The following RAB38 variants were observed in gnomAD, a reference collection of about 807,000 sequenced individuals.
The protein encoded by RAB38 is RAB38, member RAS oncogene family.
A neutral mutation model predicts 18.4 loss-of-function variants in RAB38; 15 were observed. The observed-to-expected ratio is 0.82, with a 90% CI of 0.55 to 1.26. RAB38 has a LOEUF of 1.26. RAB38 is among the 50% of genes most tolerant of loss of function. The pLI, the probability that RAB38 is intolerant of heterozygous loss-of-function variation, is 0.00. For synonymous variants in RAB38, 101 were observed against 104.4 expected, an observed-to-expected ratio of 0.97 and a Z score of 0.20; for missense variants, 294 against 267.4, an observed-to-expected ratio of 1.10 and a Z score of -0.69.
chr11:88,080,872 AGG>A, the RAB38 span, among the ~76,000 whole-genome samples: 1 of 139,610 alleles, frequency 7.2e-6, no homozygotes, highest in South Asian at 2.6e-4. Flanking sequence ...GGAGGGAGGG[AGG>A]GAGGAAGAGA....
chr11:88,143,420 TA>T (rs1415337891), intron 2 of RAB38, among the ~76,000 whole-genome samples: 2 of 152,170 alleles, frequency 1.3e-5, no homozygotes, highest in East Asian at 3.8e-4. Flanking sequence ...AGTTGTAACA[TA>T]AAAACAGCCA....
chr11:88,012,237 C>T, the RAB38 span, among the ~76,000 whole-genome samples: 3 of 152,144 alleles, frequency 2.0e-5, no homozygotes, highest in Admixed American at 6.6e-5. Context: ...AGAAGCTTCT[C>T]ACTCTTCAAT....
chr11:88,065,850 C>T, the RAB38 span, among the ~76,000 whole-genome samples: 8 of 152,246 alleles, frequency 5.3e-5, no homozygotes, highest in African/African-American at 1.7e-4. Flanking sequence ...AATCTCCCTT[C>T]GATTTGGTCA....
the RAB38 span, among the ~76,000 whole-genome samples, chr11:87,916,678 AATT>A: frequency 1.3e-4 from 20 of 152,158 alleles, no homozygotes; most frequent in Non-Finnish European, 2.4e-4. Context: ...AGACTGAGAC[AATT>A]ATTATGTCTT....
chr11:88,120,935 G>A (rs1027928548), intron 2 of RAB38, among the ~76,000 whole-genome samples: 4 of 152,056 alleles, frequency 2.6e-5, no homozygotes, highest in Non-Finnish European at 4.4e-5. Context: ...TCACTAATTC[G>A]CCCTGCTTTC....
At chr11:88,156,742 C>A (rs1174855141) in intron 1 of RAB38, among the ~76,000 whole-genome samples, 1 of 152,126 alleles carries the variant, frequency 6.6e-6, no homozygotes, top group Non-Finnish European at 1.5e-5. Context: ...AAACTAAGTT[C>A]GTAAGTGAAG....
the RAB38 span, among the ~76,000 whole-genome samples, chr11:88,081,086 C>G: frequency 6.6e-6 from 1 of 151,676 alleles, no homozygotes; most frequent in Non-Finnish European, 1.5e-5. Context: ...AATAACACCA[C>G]TACACATTAA....
chr11:87,868,589 G>GAA, the RAB38 span, among the ~76,000 whole-genome samples: 2 of 26,874 alleles, frequency 7.4e-5, no homozygotes, highest in African/African-American at 2.4e-4. Context: ...GAGAGAGAGA[G>GAA]AGAGAGAGAG....
the RAB38 span, among the ~76,000 whole-genome samples, chr11:87,847,740 C>G: frequency 6.6e-6 from 1 of 151,976 alleles, no homozygotes; most frequent in African/African-American, 2.4e-5. Flanking sequence ...TTATGACGAT[C>G]AATTTAACGT....
the RAB38 span, among the ~76,000 whole-genome samples, chr11:87,920,044 T>C: frequency 2.0e-5 from 3 of 152,076 alleles, no homozygotes; most frequent in South Asian, 2.1e-4. Flanking sequence ...ACTTCTCCCA[T>C]AGTCTAGCTG....
At chr11:87,806,730 T>C in the RAB38 span, among the ~76,000 whole-genome samples, 2 of 152,206 alleles carry the variant, frequency 1.3e-5, no homozygotes, top group African/African-American at 4.8e-5. Flanking sequence ...GGTAAAATAT[T>C]TAAATCAAGA....
chr11:88,034,970 G>A, the RAB38 span, among the ~76,000 whole-genome samples: 1 of 152,304 alleles, frequency 6.6e-6, no homozygotes, highest in Admixed American at 6.5e-5. Context: ...AGCTGCATAT[G>A]AGAGCTCCTT....
chr11:87,956,975 C>T, the RAB38 span, among the ~76,000 whole-genome samples: 3 of 68,686 alleles, frequency 4.4e-5, no homozygotes, highest in African/African-American at 6.1e-5. Context: ...TATAAAAATG[C>T]AGTTTTTTGG....
intron 2 of RAB38, among the ~76,000 whole-genome samples, chr11:88,133,962 C>T (rs949243781): frequency 1.3e-5 from 2 of 152,174 alleles, no homozygotes; most frequent in East Asian, 3.9e-4. Context: ...GAGATTAGTC[C>T]TGAGTCCTTT....
the RAB38 span, among the ~76,000 whole-genome samples, chr11:88,025,988 T>C: frequency 3.9e-5 from 6 of 152,034 alleles, no homozygotes; most frequent in South Asian, 2.1e-4. Context: ...CTTCTAAAGA[T>C]GGAGTCTCGC....
At chr11:88,020,921 T>A in the RAB38 span, among the ~76,000 whole-genome samples, 2 of 151,732 alleles carry the variant, frequency 1.3e-5, no homozygotes, top group Admixed American at 6.6e-5. Context: ...AAACAGAACA[T>A]ATGAAAACCT....
At chr11:88,146,062 T>C (rs1291786799) in intron 2 of RAB38, among the ~76,000 whole-genome samples, 1 of 152,170 alleles carries the variant, frequency 6.6e-6, no homozygotes, top group Non-Finnish European at 1.5e-5. Context: ...GACACCAACA[T>C]GTATTTAATT....
the RAB38 span, among the ~76,000 whole-genome samples, chr11:87,962,735 G>C: frequency 3.3e-5 from 5 of 152,114 alleles, no homozygotes; most frequent in Admixed American, 3.3e-4. Flanking sequence ...GGAAATAAAT[G>C]TTTTGAGATT....
At chr11:87,954,677 GCAGGACCAGATAAGGTATAGGCGAGCC>G in the RAB38 span, among the ~76,000 whole-genome samples, 1 of 152,002 alleles carries the variant, frequency 6.6e-6, no homozygotes, top group Non-Finnish European at 1.5e-5. Flanking sequence ...GCTCAGGAAG[GCAGGACCAGATAAGGTATAGGCGAGCC>G]CGGGAGCAGG....
Sources: gnomAD v4.1 joint callset for allele counts (sites outside exome capture counted in the v4.1 genomes callset) on GRCh38, gnomAD v4.1.1 for gene constraint, MANE v1.5 for transcripts, NCBI Gene and HGNC (gene_info 2026-07-23, HGNC 2026-07-21) for gene names.